CNTN4: variants seen among roughly 807,000 people sequenced by gnomAD.
CNTN4 encodes the protein contactin-4.
CNTN4 carries 77 observed loss-of-function variants against 122.5 expected under a neutral mutation model. That is an observed-to-expected ratio of 0.63 (90% CI 0.52 to 0.76). The LOEUF is 0.76. Among genes scored for constraint, CNTN4 ranks in the 30% least tolerant of loss-of-function variants. CNTN4 has a pLI of 0.00. For missense variants in CNTN4, 1,256 were observed against 1,259.1 expected (o/e 1.00, Z 0.04); for synonymous variants, 512 against 447.0 (o/e 1.15, Z -1.83).
chr3:2,221,180 C>T (rs2039046296), intron 2 of CNTN4, among the ~76,000 whole-genome samples: 1 of 152,012 alleles, frequency 6.6e-6, no homozygotes, highest in African/African-American at 2.4e-5. Context: ...AGAATGAAAA[C>T]ATTGATGCAT....
At chr3:2,932,137 G>A (rs901393820) in intron 13 of CNTN4, among the ~76,000 whole-genome samples, 3 of 152,244 alleles carry the variant, frequency 2.0e-5, no homozygotes, top group South Asian at 2.1e-4. Flanking sequence ...CAGCACTTTG[G>A]GACGTCGAGG....
chr3:2,783,670 G>T (rs921684397), intron 6 of CNTN4, among the ~76,000 whole-genome samples: 1 of 152,162 alleles, frequency 6.6e-6, no homozygotes, highest in Admixed American at 6.5e-5. Flanking sequence ...TGTTTGCAGT[G>T]CTTAGAAAAA....
chr3:2,460,054 T>C (rs1238491058), intron 3 of CNTN4, among the ~76,000 whole-genome samples: 2 of 152,204 alleles, frequency 1.3e-5, no homozygotes, highest in East Asian at 3.9e-4. Context: ...GCCATCTATC[T>C]CTGGGCTGAG....
chr3:3,050,039 G>C lies in CNTN4; in HGVS notation c.2812-3768G>C, dbSNP rs571633296. 1.4e-3 allele frequency among the ~76,000 whole-genome samples: 206 copies of C among 152,332 alleles called. 4 individuals are homozygous for C. The highest frequency in any genetic ancestry group is 4.9e-3 in the African/African-American group (203 of 41,578). ...CCCAGTGCTGGGAGGGAGAGGGATA[G>C]AGAGCTGACTCGCCCTTTTACAACA... On this transcript the variant is annotated intron_variant, in intron 23 of 24. Coordinates refer to ENST00000418658, the MANE Select transcript of CNTN4 (RefSeq NM_175607.3).
chr3:2,244,220 AT>A (rs748307355), intron 2 of CNTN4, among the ~76,000 whole-genome samples: 17,109 of 149,852 alleles, frequency 0.11, 1,074 homozygotes, highest in Middle Eastern at 0.19. Flanking sequence ...AATAAAAAAA[AT>A]CTATGTAAAT....
chr3:2,810,858 G>A (rs112483894), intron 6 of CNTN4, among the ~76,000 whole-genome samples: 1 of 152,088 alleles, frequency 6.6e-6, no homozygotes, highest in Non-Finnish European at 1.5e-5. Flanking sequence ...TGGTATGACC[G>A]AAGAGGGTGA....
intron 6 of CNTN4, among the ~76,000 whole-genome samples, chr3:2,818,009 T>G (rs1299213096): frequency 2.0e-5 from 3 of 152,194 alleles, no homozygotes; most frequent in Non-Finnish European, 4.4e-5. Context: ...ACTGATTTGT[T>G]TTGTGCAGAG....
At chr3:2,542,091 G>A (rs758351280) in intron 3 of CNTN4, among the ~76,000 whole-genome samples, 47 of 152,058 alleles carry the variant, frequency 3.1e-4, no homozygotes, top group Non-Finnish European at 5.1e-4. Flanking sequence ...AGTGCCCCTT[G>A]CCTTCTGCCA....
chr3:2,451,329 G>A (rs1466464287), intron 3 of CNTN4, among the ~76,000 whole-genome samples: 1 of 151,624 alleles, frequency 6.6e-6, no homozygotes, highest in African/African-American at 2.4e-5. Context: ...AATGTCTTTT[G>A]TAGGATTATA....
At chr3:2,144,826 C>G (rs751844473) in intron 2 of CNTN4, among the ~76,000 whole-genome samples, 1 of 152,192 alleles carries the variant, frequency 6.6e-6, no homozygotes. Context: ...AGAGAAAAAT[C>G]TGCCCAGAAT....
At chr3:2,254,327 T>C (rs1347627206) in intron 2 of CNTN4, among the ~76,000 whole-genome samples, 1 of 152,188 alleles carries the variant, frequency 6.6e-6, no homozygotes, top group Non-Finnish European at 1.5e-5. Flanking sequence ...TCTTTGTTAT[T>C]GTGAACAGTG....
At chr3:2,705,457 A>G (rs187671891) in intron 4 of CNTN4, among the ~76,000 whole-genome samples, 8 of 117,522 alleles carry the variant, frequency 6.8e-5, no homozygotes, top group African/African-American at 2.5e-4. Context: ...CTATATATAT[A>G]AATATATATA....
intron 14 of CNTN4, among the ~76,000 whole-genome samples, chr3:3,009,591 G>A (rs1697009447): frequency 6.6e-6 from 1 of 150,976 alleles, no homozygotes; most frequent in South Asian, 2.1e-4. Flanking sequence ...CCGCCACCAC[G>A]CCCGGCTAAT....
rs903971538 is a variant in CNTN4, at chr3:2,883,233, C to T, written c.741C>T (p.Cys247=). The change falls in exon 9 of 25, where the codon TGC becomes TGT. Residue 247 remains cysteine, a synonymous_variant. Coordinates refer to ENST00000418658, the MANE Select transcript of CNTN4 (RefSeq NM_175607.3). The stretch of plus-strand genomic sequence containing the variant: ...AAGGAGCAACGGTGAAGCTGGAATG[C>T]TTTGCTTTAGGAAAGTAAGTTCTGG... ...TAKGATVKLE[C]FALGNPVPTI... 13 of 1,613,200 alleles carry T rather than the reference C, an allele frequency of 8.1e-6. No homozygotes were observed. Among genetic ancestry groups the T allele is most frequent in the Non-Finnish European group, 1.1e-5 (13 of 1,179,512 alleles).
At position 3,038,884 on chromosome 3, in the gene CNTN4, C is replaced by T. The variant is rs762715472; in HGVS notation, c.2093-49C>T. ...TCTGCCAGGCAACCTTCCTGGCCCT[C>T]ATTCGCCTTTGCCGCCTGACATAAC... On this transcript the variant is annotated intron_variant, in intron 18 of 24. Transcript: ENST00000418658. 2.6e-6 allele frequency: 4 copies of T among 1,532,910 alleles called. No individual in the cohort carries two copies. In the South Asian group the frequency reaches 4.5e-5, roughly 17 times the overall value. 95.0% of individuals were successfully genotyped at this position (1,532,910 alleles called of 1,614,324 possible). A position where few individuals can be genotyped will look rare whatever the true frequency, so the allele number is the denominator to read the frequency against.
At position 2,551,774 on chromosome 3, in the gene CNTN4, A is replaced by C. The variant is rs1469942842; in HGVS notation, c.-88-19642A>C. Among the ~76,000 whole-genome samples, 4 of 152,280 alleles carry C rather than the reference A, an allele frequency of 2.6e-5. No individual in the cohort carries two copies. The East Asian group carries it at 7.7e-4, about 29-fold the overall frequency. ...CTTTTCTCTCATCTCAGTTTCTGTT[A>C]GAGAATTATGCATAATGGATTGTGT... On this transcript the variant is annotated intron_variant, in intron 3 of 24. Coordinates refer to ENST00000418658, the MANE Select transcript of CNTN4 (RefSeq NM_175607.3).
intron 3 of CNTN4, among the ~76,000 whole-genome samples, chr3:2,543,441 C>A (rs986704959): frequency 9.9e-5 from 15 of 152,018 alleles, no homozygotes; most frequent in Admixed American, 8.5e-4. Context: ...TTCCACTTAG[C>A]CAGAGCTCTG....
intron 1 of CNTN4, among the ~76,000 whole-genome samples, chr3:2,100,295 G>GGGAA (rs1200073752): frequency 4.6e-5 from 7 of 152,238 alleles, no homozygotes; most frequent in African/African-American, 1.7e-4. Flanking sequence ...TTAACTGCAT[G>GGGAA]GGAAGCTCTT....
rs544905040 is a variant in CNTN4, at chr3:2,757,792, A to G, written c.358+12095A>G. Among the ~76,000 whole-genome samples the G allele has an allele frequency of 1.4e-3, 219 of 152,328 alleles. 1 individual carries two copies. Among genetic ancestry groups the G allele is most frequent in the African/African-American group, 4.8e-3 (200 of 41,576 alleles). On this transcript the variant is annotated intron_variant, in intron 6 of 24. Coordinates refer to ENST00000418658, the MANE Select transcript of CNTN4 (RefSeq NM_175607.3). ...TCAAATTCAAGGGCATCATGAAAAGATGTGTGTGTTTCCCAAGAACTAAAT... is the reference window on the plus strand; with the variant it reads ...TCAAATTCAAGGGCATCATGAAAAGGTGTGTGTGTTTCCCAAGAACTAAAT...
Sources: allele counts gnomAD v4.1 joint callset (sites outside exome capture counted in the v4.1 genomes callset), GRCh38; gene constraint gnomAD v4.1.1; transcripts MANE v1.5; gene names NCBI Gene and HGNC (gene_info 2026-07-23, HGNC 2026-07-21).